Variants in DNAH14 observed in about 807,000 individuals in gnomAD.
DNAH14 encodes the protein dynein axonemal heavy chain 14, also known as axonemal beta dynein heavy chain 14.
DNAH14 carries 478 observed loss-of-function variants against 520.9 expected under a neutral mutation model. The ratio of observed to expected loss-of-function variants is 0.92; its 90% CI spans 0.85 to 0.99. DNAH14 has a LOEUF of 0.99. Among genes scored for constraint, DNAH14 ranks in the 50% least tolerant of loss-of-function variants. The pLI, the probability that DNAH14 is intolerant of heterozygous loss-of-function variation, is 0.00. For missense variants in DNAH14, 4,831 were observed against 5,234.5 expected (o/e 0.92, Z 2.38); for synonymous variants, 1,581 against 1,757.2 (o/e 0.90, Z 2.51).
chr1:225,368,104 C>T, intron 77 of DNAH14, 72 bp downstream of exon 77: 4 of 1,282,864 alleles, frequency 3.1e-6, no homozygotes, highest in Non-Finnish European at 4.2e-6. Flanking sequence ...TACTATGTGC[C>T]TACACAAATG....
intron 5 of DNAH14, among the ~76,000 whole-genome samples, chr1:224,966,733 T>C (rs2061192465): frequency 6.6e-6 from 1 of 152,204 alleles, no homozygotes; most frequent in Non-Finnish European, 1.5e-5. Flanking sequence ...TCACCCAGGC[T>C]GAAGCCACAA....
At chr1:225,086,660 T>C (rs546156524) in intron 21 of DNAH14, among the ~76,000 whole-genome samples, 1 of 151,744 alleles carries the variant, frequency 6.6e-6, no homozygotes. Context: ...AAAAACTCAA[T>C]AAATTACAGA....
In DNAH14 at chr1:225,205,929, G is replaced by A. The variant is rs77275024; in HGVS notation, c.5978-42G>A. On this transcript the variant is annotated intron_variant, in intron 39 of 85. Transcript: ENST00000682510. ...TAGCAAGATTGTAATGAAAGATGAC[G>A]GACATTAGTCTCAGTTACATTAAAA... 3.0e-4 allele frequency: 437 copies of A among 1,433,964 alleles called. 3 individuals are homozygous for A. In the East Asian group the frequency reaches 8.5e-3, roughly 28 times the overall value. 88.8% of individuals were successfully genotyped at this position (1,433,964 alleles called of 1,614,324 possible).
At position 225,140,995 on chromosome 1, in the gene DNAH14, C is replaced by T. The variant is rs914064390; in HGVS notation, c.4482C>T (p.Phe1494=). ...TAAATTTACTACTTAAAAATATCTT[C>T]AATGCAGAGGATTTTGAGTGGACAA... The part of the protein sequence containing the change: ...IVINLLLKNI[F]NAEDFEWTRH... Residue 1494 remains phenylalanine (F), a synonymous_variant, in exon 28 of 86, where the codon TTC becomes TTT. Coordinates refer to ENST00000682510, the MANE Select transcript of DNAH14 (RefSeq NM_001367479.1). The T allele has an allele frequency of 1.7e-5, 26 of 1,549,338 alleles. No individual in the cohort carries two copies. The highest frequency in any genetic ancestry group is 4.1e-5 in the African/African-American group (3 of 73,122).
chr1:225,114,196 C>G (rs572111092), intron 23 of DNAH14, among the ~76,000 whole-genome samples: 1 of 152,292 alleles, frequency 6.6e-6, no homozygotes, highest in South Asian at 2.1e-4. Flanking sequence ...GTTTAGTTAG[C>G]AGGTGATGAA....
chr1:225,093,312 G>A (rs2074578916), intron 21 of DNAH14, among the ~76,000 whole-genome samples: 1 of 152,130 alleles, frequency 6.6e-6, no homozygotes, highest in Non-Finnish European at 1.5e-5. Context: ...ATCCTGGGAT[G>A]CAAAGTTGGT....
chr1:225,190,455 A>AAACTTACAAATTG (rs1298329000), intron 37 of DNAH14, among the ~76,000 whole-genome samples: 1 of 152,018 alleles, frequency 6.6e-6, no homozygotes, highest in Non-Finnish European at 1.5e-5. Context: ...ATGAAACTTA[A>AAACTTACAAATTG]AACTTACAAA....
At chr1:225,024,345 A>G in intron 11 of DNAH14, 1 of 807,918 alleles carries the variant, frequency 1.2e-6, no homozygotes, top group South Asian at 5.7e-5. Context: ...CAATGAAAAA[A>G]CTATCTGAAA....
chr1:225,341,770 T>C (rs149279077), intron 69 of DNAH14, among the ~76,000 whole-genome samples: 32 of 152,308 alleles, frequency 2.1e-4, no homozygotes, highest in African/African-American at 7.7e-4. Context: ...GCATCTAAAC[T>C]TAAAGAAACA....
At chr1:225,161,356 T>C (rs889392228) in intron 35 of DNAH14, among the ~76,000 whole-genome samples, 4 of 152,192 alleles carry the variant, frequency 2.6e-5, no homozygotes, top group Non-Finnish European at 4.4e-5. Flanking sequence ...ATCTCATTGT[T>C]TTGTATGGGT....
In DNAH14 at chr1:225,206,006, G is replaced by A; in HGVS notation, c.6013G>A (p.Val2005Met). 1 of 1,551,640 alleles carries A rather than the reference G, an allele frequency of 6.4e-7. No homozygotes were observed. The highest frequency in any genetic ancestry group is 2.4e-5 in the East Asian group (1 of 40,906). The change falls in exon 40 of 86, where the codon GTG becomes ATG. Residue 2005 changes from valine (V) to methionine (M), a missense_variant. Val to Met is a conservative substitution (Grantham distance 21). Transcript: ENST00000682510. The stretch of plus-strand genomic sequence containing the variant: ...GCAGTGGATTATCCTAGATGGCCCA[G>A]TGGACACCTTTTGGGTAGAAAATCT... The part of the protein sequence containing the change: ...DWQWIILDGP[V>M]DTFWVENLNS...
intron 54 of DNAH14, among the ~76,000 whole-genome samples, chr1:225,283,802 A>G (rs2093678910): frequency 1.3e-5 from 2 of 152,164 alleles, no homozygotes; most frequent in South Asian, 4.1e-4. Flanking sequence ...AGCCTCAGTA[A>G]ATTTCAAAGG....
intron 84 of DNAH14, chr1:225,397,648 C>T (rs2096034378): frequency 6.6e-6 from 1 of 152,322 alleles, no homozygotes; most frequent in Non-Finnish European, 1.5e-5. Flanking sequence ...ATTGGAGCTG[C>T]AGGCAACTAA....
chr1:224,941,211 C>A (rs1281391145), intron 1 of DNAH14, among the ~76,000 whole-genome samples: 1 of 152,148 alleles, frequency 6.6e-6, no homozygotes, highest in East Asian at 1.9e-4. Context: ...GATTGCCATT[C>A]TAACTGGTGT....
intron 41 of DNAH14, among the ~76,000 whole-genome samples, chr1:225,226,690 T>C (rs2090568280): frequency 6.6e-6 from 1 of 151,962 alleles, no homozygotes. Flanking sequence ...AGAGACAAAG[T>C]ATAGAGGAAG....
intron 44 of DNAH14, among the ~76,000 whole-genome samples, chr1:225,256,661 T>C (rs1225314343): frequency 1.3e-5 from 2 of 152,114 alleles, no homozygotes; most frequent in African/African-American, 4.8e-5. Context: ...ATAATTCCAA[T>C]AAACATACCA....
chr1:225,152,874 C>G lies in DNAH14; in HGVS notation c.5187C>G (p.Leu1729=), dbSNP rs1362628979. 3 of 1,549,146 alleles carry G rather than the reference C, an allele frequency of 1.9e-6. No individual in the cohort carries two copies. The highest frequency in any genetic ancestry group is 1.2e-5 in the South Asian group (1 of 83,562). Residue 1729 remains leucine (L), a synonymous_variant, in exon 33 of 86, where the codon CTC becomes CTG. Transcript: ENST00000682510. The stretch of plus-strand genomic sequence containing the variant: ...TTTATGAATTAGCGCGCAAACAGCT[C>G]TCACAACAGGTAAATAGCTACTTTT... ...TNLYELARKQ[L]SQQDHYNFGL...
At chr1:225,150,762 C>T (rs2080424624) in intron 31 of DNAH14, among the ~76,000 whole-genome samples, 1 of 151,966 alleles carries the variant, frequency 6.6e-6, no homozygotes, top group South Asian at 2.1e-4. Flanking sequence ...AGACATCTCA[C>T]TCTGTTGCCC....
chr1:225,163,137 CAAAAAAAAAA>C (rs34356854), intron 35 of DNAH14, among the ~76,000 whole-genome samples: 4 of 53,684 alleles, frequency 7.5e-5, no homozygotes, highest in African/African-American at 2.7e-4. Flanking sequence ...GACCCTATCT[CAAAAAAAAAA>C]AAAAAAAAAA....
Sources: allele counts gnomAD v4.1 joint callset (sites outside exome capture counted in the v4.1 genomes callset), GRCh38; gene constraint gnomAD v4.1.1; transcripts MANE v1.5; gene names NCBI Gene and HGNC (gene_info 2026-07-23, HGNC 2026-07-21).